The following ABCC1 variants were observed in gnomAD, a reference collection of about 807,000 sequenced individuals.
ABCC1 encodes multidrug resistance-associated protein 1.
A neutral mutation model predicts 172.9 loss-of-function variants in ABCC1; 83 were observed. The observed-to-expected ratio is 0.48, with a 90% CI of 0.40 to 0.58. The LOEUF is 0.58. Among genes scored for constraint, ABCC1 ranks in the 20% least tolerant of loss-of-function variants. The pLI is 0.00. For synonymous variants in ABCC1, 937 were observed against 825.2 expected (o/e 1.14, Z -2.32); for missense variants, 1,817 against 2,002.7 (o/e 0.91, Z 1.77).
intron 1 of ABCC1, among the ~76,000 whole-genome samples, chr16:15,989,599 A>G (rs1390933861): frequency 2.6e-5 from 4 of 151,900 alleles, no homozygotes; most frequent in Non-Finnish European, 5.9e-5. Context: ...GGCATTTAGG[A>G]GCACCCTGTC....
At chr16:15,978,307 A>G (rs1258714930) in intron 1 of ABCC1, among the ~76,000 whole-genome samples, 2 of 152,172 alleles carry the variant, frequency 1.3e-5, no homozygotes, top group African/African-American at 4.8e-5. Context: ...TTGAGGCTGC[A>G]GTGAGCTGTG....
intron 7 of ABCC1, among the ~76,000 whole-genome samples, chr16:16,039,055 A>G (rs1413631375): frequency 2.6e-5 from 4 of 152,134 alleles, no homozygotes; most frequent in Non-Finnish European, 5.9e-5. Context: ...AGAGTGGAAC[A>G]AAAGAGACAC....
intron 14 of ABCC1, among the ~76,000 whole-genome samples, chr16:16,072,806 C>T (rs976656749): frequency 6.6e-6 from 1 of 151,896 alleles, no homozygotes; most frequent in Non-Finnish European, 1.5e-5. Flanking sequence ...CTTTGGGGAG[C>T]TGAGGCAGGT....
intron 1 of ABCC1, among the ~76,000 whole-genome samples, chr16:15,975,304 G>T (rs919030942): frequency 6.6e-6 from 1 of 152,160 alleles, no homozygotes; most frequent in African/African-American, 2.4e-5. Flanking sequence ...CGGATCATCT[G>T]CCCCAGTTTG....
Position 16,052,862 on chromosome 16 carries a change from A to C in ABCC1, c.1473+46A>C, listed in dbSNP as rs758636040. ...GGCCCCCAAGCCGGGCCCTAGGCAG[A>C]GGCCTCTCCATGAGGATTTTAGTCC... On this transcript the variant is annotated intron_variant, in intron 11 of 30. Coordinates refer to ENST00000399410, the MANE Select transcript of ABCC1 (RefSeq NM_004996.4). The C allele has an allele frequency of 1.5e-5, 24 of 1,579,020 alleles. No individual in the cohort carries two copies. The South Asian group carries it at 2.7e-4, about 17-fold the overall frequency.
intron 1 of ABCC1, among the ~76,000 whole-genome samples, chr16:15,977,962 TTTACTTCTC>T (rs2046530301): frequency 2.0e-5 from 3 of 152,170 alleles, no homozygotes; most frequent in African/African-American, 7.2e-5. Flanking sequence ...GGCAAGTTGC[TTTACTTCTC>T]TGTGCCTTAG....
chr16:16,055,620 G>T (rs1314930624), intron 11 of ABCC1, among the ~76,000 whole-genome samples: 2 of 152,060 alleles, frequency 1.3e-5, no homozygotes, highest in African/African-American at 4.8e-5. Context: ...GTTTGGGTCA[G>T]CAGAGTAGGG....
At chr16:16,065,883 T>G (rs1462610722) in intron 12 of ABCC1, among the ~76,000 whole-genome samples, 1 of 152,224 alleles carries the variant, frequency 6.6e-6, no homozygotes, top group Non-Finnish European at 1.5e-5. Flanking sequence ...GATCGAAATG[T>G]ATTTTTTTAA....
rs2046178317 is a variant in ABCC1, at chr16:16,142,896, C to G, written c.*1615C>G. 6.6e-6 allele frequency: 1 copy of G among 152,552 alleles called. No homozygotes were observed. Among genetic ancestry groups the G allele is most frequent in the Non-Finnish European group, 1.5e-5 (1 of 68,038 alleles). 9.4% of individuals were successfully genotyped at this position (152,552 alleles called of 1,614,324 possible). A position where few individuals can be genotyped will look rare whatever the true frequency, so the allele number is the denominator to read the frequency against. ...AAGAATTACGCCGCCGACTTCAAAC[C>G]CAGAGAGCATCTTTCTTTTAGGCGA... On this transcript the variant is annotated 3_prime_UTR_variant, in exon 31 of 31. Coordinates refer to ENST00000399410, the MANE Select transcript of ABCC1 (RefSeq NM_004996.4).
chr16:15,970,772 A>G (rs1358779381), intron 1 of ABCC1, among the ~76,000 whole-genome samples: 1 of 152,172 alleles, frequency 6.6e-6, no homozygotes, highest in Admixed American at 6.5e-5. Context: ...ATATATTTTA[A>G]TTTGTACAGA....
intron 10 of ABCC1, among the ~76,000 whole-genome samples, chr16:16,050,443 A>AG (rs2049379720): frequency 6.6e-6 from 1 of 152,174 alleles, no homozygotes; most frequent in East Asian, 1.9e-4. Flanking sequence ...TGGGCAACAG[A>AG]GCGAGACTCT....
chr16:16,092,007 A>C (rs1401444613), intron 19 of ABCC1, among the ~76,000 whole-genome samples: 2 of 152,128 alleles, frequency 1.3e-5, no homozygotes, highest in Admixed American at 6.5e-5. Context: ...GGAGGCTGAC[A>C]CAGGTGGATC....
At chr16:16,069,176 AT>A (rs2050233744) in intron 13 of ABCC1, among the ~76,000 whole-genome samples, 31 of 98,930 alleles carry the variant, frequency 3.1e-4, no homozygotes, top group African/African-American at 1.6e-3. Context: ...ATAAAAATAA[AT>A]AAATAAATAA....
chr16:16,008,290 T>A (rs1254270388), intron 2 of ABCC1, among the ~76,000 whole-genome samples: 3 of 152,042 alleles, frequency 2.0e-5, no homozygotes, highest in Non-Finnish European at 4.4e-5. Flanking sequence ...CCTGGGAGAT[T>A]ATCAGCTCTT....
chr16:16,020,514 C>T (rs537268987), intron 5 of ABCC1, among the ~76,000 whole-genome samples: 8 of 152,266 alleles, frequency 5.3e-5, no homozygotes, highest in African/African-American at 1.9e-4. Flanking sequence ...CAGCCACTCG[C>T]GTTCATCACA....
At chr16:16,015,831 CA>C (rs2151760913) in intron 4 of ABCC1, among the ~76,000 whole-genome samples, 1 of 152,326 alleles carries the variant, frequency 6.6e-6, no homozygotes, top group South Asian at 2.1e-4. Context: ...CAGACACTGC[CA>C]GATGTTTCCT....
At chr16:16,111,614 T>G (rs1424053243) in intron 22 of ABCC1, 32 bp downstream of exon 22, 1 of 1,587,406 alleles carries the variant, frequency 6.3e-7, no homozygotes, top group Non-Finnish European at 8.6e-7. Context: ...CCCGCCTGAT[T>G]TGGGCCCCTG....
At chr16:15,986,010 C>T (rs2046735354) in intron 1 of ABCC1, among the ~76,000 whole-genome samples, 1 of 151,984 alleles carries the variant, frequency 6.6e-6, no homozygotes, top group Non-Finnish European at 1.5e-5. Flanking sequence ...TCTCAGCTCA[C>T]TGTAGTCTCT....
At chr16:16,087,487 C>T (rs1048317153) in intron 18 of ABCC1, among the ~76,000 whole-genome samples, 9 of 152,008 alleles carry the variant, frequency 5.9e-5, no homozygotes, top group Admixed American at 3.9e-4. Flanking sequence ...GGTGGAGTTT[C>T]GCTACTGTTG....
Sources: gnomAD v4.1 joint callset for allele counts (sites outside exome capture counted in the v4.1 genomes callset) on GRCh38, gnomAD v4.1.1 for gene constraint, MANE v1.5 for transcripts, NCBI Gene and HGNC (gene_info 2026-07-23, HGNC 2026-07-21) for gene names.